The following KIF6 variants were observed in gnomAD, a reference collection of about 807,000 sequenced individuals.
The protein encoded by KIF6 is kinesin family member 6.
In KIF6, 106 loss-of-function variants were observed where a neutral mutation model predicts 112.7. That is an observed-to-expected ratio of 0.94 (90% CI 0.80 to 1.11). The LOEUF is 1.11. KIF6 is among the 50% of genes least tolerant of loss of function. The probability of loss-of-function intolerance (pLI) is 0.00; values close to 1 mark genes in which losing one functional copy is unlikely to be tolerated. For missense variants in KIF6, 929 were observed against 964.0 expected, an observed-to-expected ratio of 0.96 and a Z score of 0.48; for synonymous variants, 339 against 339.9, an observed-to-expected ratio of 1.00 and a Z score of 0.03.
rs1778707090 is a variant in KIF6, at chr6:39,540,148, T to C, written c.1500A>G (p.Arg500=). ...GGCTCTGGGACTGTCTGAATTCACG[T>C]CTATCCATGCCAGCCAAGTGGAGAG... The part of the protein sequence containing the change: ...QEALHLAGMD[R]REFRQSQSPP... Residue 500 remains arginine (R), a synonymous_variant, in exon 13 of 23, where the codon AGA becomes AGG. Transcript: ENST00000287152. The C allele has an allele frequency of 2.5e-6, 4 of 1,614,140 alleles. No homozygotes were observed. The highest frequency in any genetic ancestry group is 3.4e-6 in the Non-Finnish European group (4 of 1,180,020).
chr6:39,611,426 C>T (rs1783208818), intron 6 of KIF6, among the ~76,000 whole-genome samples: 1 of 152,116 alleles, frequency 6.6e-6, no homozygotes, highest in Admixed American at 6.5e-5. Context: ...AGCCTGAAAC[C>T]ATGTAGTTAA....
intron 21 of KIF6, 140 bp downstream of exon 21, chr6:39,345,560 G>T (rs991427880): frequency 2.0e-5 from 12 of 604,116 alleles, no homozygotes; most frequent in Non-Finnish European, 3.1e-5. Context: ...AATTCCCAGG[G>T]GACCAGGGCA....
chr6:39,363,127 C>T (rs961647365), intron 16 of KIF6, among the ~76,000 whole-genome samples: 1 of 152,150 alleles, frequency 6.6e-6, no homozygotes, highest in African/African-American at 2.4e-5. Context: ...CCAGCTTGGG[C>T]AACAAGAGAG....
chr6:39,560,984 A>C (rs1779978192), intron 10 of KIF6, among the ~76,000 whole-genome samples: 1 of 152,208 alleles, frequency 6.6e-6, no homozygotes, highest in African/African-American at 2.4e-5. Flanking sequence ...TACACTCCTG[A>C]GATTATGTAA....
chr6:39,621,163 A>G (rs1404517741), intron 5 of KIF6, among the ~76,000 whole-genome samples: 1 of 151,596 alleles, frequency 6.6e-6, no homozygotes, highest in Non-Finnish European at 1.5e-5. Context: ...GTTGTTTCCA[A>G]TTTAAAGCTG....
chr6:39,646,823 G>A (rs1038273631), intron 3 of KIF6, among the ~76,000 whole-genome samples: 2 of 152,036 alleles, frequency 1.3e-5, no homozygotes, highest in Non-Finnish European at 2.9e-5. Context: ...ACACAGTTCC[G>A]CCTTATCCAT....
chr6:39,576,525 T>G lies in KIF6; in HGVS notation c.1181+1531A>C, dbSNP rs188982647. On this transcript the variant is annotated intron_variant, in intron 10 of 22. Coordinates refer to ENST00000287152, the MANE Select transcript of KIF6 (RefSeq NM_145027.6). ...TTTTAGCAACTGGCTTCTGGATAACTTCAGCCAACAGGAAGCACTGGTGGA... is the reference window on the plus strand; with the variant it reads ...TTTTAGCAACTGGCTTCTGGATAACGTCAGCCAACAGGAAGCACTGGTGGA... Among the ~76,000 whole-genome samples, 45 of 152,282 alleles carry G rather than the reference T, an allele frequency of 3.0e-4. No homozygotes were observed. The East Asian group carries it at 8.7e-3, about 29-fold the overall frequency.
intron 16 of KIF6, among the ~76,000 whole-genome samples, chr6:39,366,856 T>C (rs2150274492): frequency 6.6e-6 from 1 of 150,590 alleles, no homozygotes; most frequent in East Asian, 1.9e-4. Flanking sequence ...AGGAGAGGAA[T>C]GGGCTCGATC....
At chr6:39,540,595 T>C (rs773700232) in intron 12 of KIF6, among the ~76,000 whole-genome samples, 3 of 152,262 alleles carry the variant, frequency 2.0e-5, no homozygotes, top group African/African-American at 4.8e-5. Flanking sequence ...CCCATGTATA[T>C]GTATCAGCCC....
At chr6:39,617,824 C>T (rs1004889776) in intron 5 of KIF6, 1 of 442,254 alleles carries the variant, frequency 2.3e-6, no homozygotes. Context: ...TGGGGGTGCA[C>T]CAGGCTCTTC....
intron 7 of KIF6, among the ~76,000 whole-genome samples, chr6:39,588,848 C>T (rs1455895714): frequency 6.6e-6 from 1 of 152,206 alleles, no homozygotes; most frequent in Non-Finnish European, 1.5e-5. Context: ...ACCACCACCA[C>T]TCCAGTTCAA....
At chr6:39,707,700 G>T (rs1257998531) in intron 3 of KIF6, among the ~76,000 whole-genome samples, 1 of 152,204 alleles carries the variant, frequency 6.6e-6, no homozygotes, top group Admixed American at 6.5e-5. Context: ...CACTAAGCAT[G>T]TTTTTTGAGT....
chr6:39,679,608 T>C (rs1787381520), intron 3 of KIF6, among the ~76,000 whole-genome samples: 1 of 135,086 alleles, frequency 7.4e-6, no homozygotes, highest in African/African-American at 2.6e-5. Flanking sequence ...GGGTTTCTTT[T>C]CTTTTCTTTT....
At chr6:39,370,726 T>C (rs1379398760) in intron 16 of KIF6, among the ~76,000 whole-genome samples, 1 of 151,864 alleles carries the variant, frequency 6.6e-6, no homozygotes, top group Non-Finnish European at 1.5e-5. Flanking sequence ...GGGGGTGGTG[T>C]GTGTGGAGAT....
chr6:39,431,178 G>A lies in KIF6; in HGVS notation c.1646-17C>T. The A allele has an allele frequency of 2.8e-6, 4 of 1,419,682 alleles. No individual in the cohort carries two copies. The highest frequency in any genetic ancestry group is 4.0e-6 in the Non-Finnish European group (4 of 1,003,700). The allele number at this position is 1,419,682 out of a possible 1,614,324, so 87.9% of individuals were successfully genotyped here. A position where few individuals can be genotyped will look rare whatever the true frequency, so the allele number is the denominator to read the frequency against. On this transcript the variant is annotated splice_polypyrimidine_tract_variant and intron_variant, in intron 13 of 22. Coordinates refer to ENST00000287152, the MANE Select transcript of KIF6 (RefSeq NM_145027.6). ...CTCTCATTCCTGTTTGGAGACACAG[G>A]GAAATGGCCTCAGTCACAGCATCAG...
At chr6:39,369,713 C>T (rs768935560) in intron 16 of KIF6, among the ~76,000 whole-genome samples, 31 of 152,258 alleles carry the variant, frequency 2.0e-4, no homozygotes, top group Admixed American at 1.4e-3. Flanking sequence ...TAGGGTCAGT[C>T]GGCAATATAA....
chr6:39,362,343 C>A, intron 17 of KIF6, 91 bp downstream of exon 17: 1 of 954,096 alleles, frequency 1.0e-6, no homozygotes, highest in Non-Finnish European at 1.7e-6. Context: ...GACCCACATC[C>A]CTGAGTAGCT....
chr6:39,538,828 C>G (rs1221957504), intron 13 of KIF6, among the ~76,000 whole-genome samples: 1 of 148,456 alleles, frequency 6.7e-6, no homozygotes, highest in Non-Finnish European at 1.5e-5. Flanking sequence ...AAATGTCCAA[C>G]AATGATAGAC....
chr6:39,720,785 T>C lies in KIF6; in HGVS notation c.93A>G (p.Lys31=), dbSNP rs1251957185. ...AGATGATTTCCAAGCTAGGTATTAA[T>C]TTTTCATCTTCATCTATGGAATAAA... The part of the protein sequence containing the change: ...QGIYSIDEDE[K]LIPSLEIILP... Residue 31 remains lysine (K), a synonymous_variant, in exon 2 of 23, where the codon AAA becomes AAG. Coordinates refer to ENST00000287152, the MANE Select transcript of KIF6 (RefSeq NM_145027.6). 4 of 1,592,972 alleles carry C rather than the reference T, an allele frequency of 2.5e-6. No individual in the cohort carries two copies. Among genetic ancestry groups the C allele is most frequent in the Non-Finnish European group, 3.4e-6 (4 of 1,160,834 alleles).
Sources: gnomAD v4.1 joint callset for allele counts (sites outside exome capture counted in the v4.1 genomes callset) on GRCh38, gnomAD v4.1.1 for gene constraint, MANE v1.5 for transcripts, NCBI Gene and HGNC (gene_info 2026-07-23, HGNC 2026-07-21) for gene names.